The following ZNF431 variants were observed in gnomAD, a reference collection of about 807,000 sequenced individuals.
ZNF431 encodes the protein zinc finger protein 431.
A neutral mutation model predicts 57.0 loss-of-function variants in ZNF431; 34 were observed. That is an observed-to-expected ratio of 0.60 (90% CI 0.45 to 0.79). The LOEUF is 0.79. Ranked by LOEUF, ZNF431 falls within the 30% of genes least tolerant of loss-of-function variation. The probability of loss-of-function intolerance (pLI) is 0.00; values close to 1 mark genes in which losing one functional copy is unlikely to be tolerated. For missense variants in ZNF431, 607 were observed against 667.1 expected (o/e 0.91, Z 0.99); for synonymous variants, 207 against 220.3 (o/e 0.94, Z 0.54).
intron 4 of ZNF431, among the ~76,000 whole-genome samples, chr19:21,177,849 A>T (rs955572746): frequency 2.7e-5 from 4 of 148,014 alleles, no homozygotes; most frequent in African/African-American, 9.9e-5. Context: ...TGAGTTTTAA[A>T]TTTTTTTTTT....
Position 21,153,081 on chromosome 19 carries a change from T to G in ZNF431, c.96+9438T>G, listed in dbSNP as rs574965627. On this transcript the variant is annotated intron_variant, in intron 2 of 4. Transcript: ENST00000311048. ...GGGTGGAATATTTATGCCTCTCCTT[T>G]TTCAACTATTTTAAGATAACTTCCA... Among the ~76,000 whole-genome samples the G allele has an allele frequency of 3.9e-5, 6 of 152,340 alleles. No individual in the cohort carries two copies. In the South Asian group the frequency reaches 1.2e-3, roughly 32 times the overall value.
chr19:21,150,162 G>T, intron 2 of ZNF431: 2 of 596,630 alleles, frequency 3.4e-6, no homozygotes, highest in Non-Finnish European at 6.3e-6. Flanking sequence ...AGCTTAAGCA[G>T]CTGAGTAGCT....
chr19:21,174,681 G>T (rs1971000261), intron 4 of ZNF431, among the ~76,000 whole-genome samples: 1 of 152,122 alleles, frequency 6.6e-6, no homozygotes, highest in African/African-American at 2.4e-5. Flanking sequence ...CTTATAGACA[G>T]CAAATTGTAT....
chr19:21,185,199 A>T lies in ZNF431; in HGVS notation c.*1165A>T, dbSNP rs1971334719. ...TCAGATATACTAAATCAGAGTGCTA[A>T]GTATAGAAAATCTGAAACTAAAGTT... On this transcript the variant is annotated 3_prime_UTR_variant, in exon 5 of 5. Transcript: ENST00000311048. The T allele has an allele frequency of 6.6e-6, 1 of 152,246 alleles. No individual in the cohort carries two copies. Among genetic ancestry groups the T allele is most frequent in the African/African-American group, 2.4e-5 (1 of 41,474 alleles). 9.4% of individuals were successfully genotyped at this position (152,246 alleles called of 1,614,324 possible).
chr19:21,170,059 G>C (rs1035332018), intron 4 of ZNF431, among the ~76,000 whole-genome samples: 8 of 152,080 alleles, frequency 5.3e-5, no homozygotes, highest in Admixed American at 1.3e-4. Context: ...CAAAACCAAG[G>C]GTCCTGTAAT....
rs118085713 is a variant in ZNF431, at chr19:21,146,651, A to G, written c.96+3008A>G. Among the ~76,000 whole-genome samples the G allele has an allele frequency of 1.9e-3, 288 of 152,316 alleles. 9 individuals are homozygous for G. In the East Asian group the frequency reaches 0.049, roughly 26 times the overall value. Reference sequence around the variant, plus strand: ...TGGGAGTGTAGCAGTGAGGGCAATCAGAGGTCACTCTCGTCACATCTTGGT... The same window carrying G: ...TGGGAGTGTAGCAGTGAGGGCAATCGGAGGTCACTCTCGTCACATCTTGGT... On this transcript the variant is annotated intron_variant, in intron 2 of 4. Coordinates refer to ENST00000311048, the MANE Select transcript of ZNF431 (RefSeq NM_133473.4).
In ZNF431 at chr19:21,184,586, A is replaced by T. The variant is rs572092731; in HGVS notation, c.*552A>T. On this transcript the variant is annotated 3_prime_UTR_variant, in exon 5 of 5. Transcript: ENST00000311048. ...GATAAAGCCTTTAAATGGTTGTCAC[A>T]CTTCATTGTAGGTAAGATAATTCAT... 8.9e-4 allele frequency: 136 copies of T among 153,568 alleles called. No homozygotes were observed. The Middle Eastern group carries it at 0.01, about 12-fold the overall frequency. 9.5% of individuals were successfully genotyped at this position (153,568 alleles called of 1,614,324 possible).
chr19:21,156,850 C>A (rs1044586809), intron 2 of ZNF431, among the ~76,000 whole-genome samples: 4 of 152,144 alleles, frequency 2.6e-5, no homozygotes, highest in African/African-American at 4.8e-5. Flanking sequence ...TCTTGACTCA[C>A]TTCAGCCTCA....
intron 1 of ZNF431, among the ~76,000 whole-genome samples, chr19:21,142,933 C>T (rs868520381): frequency 1.8e-4 from 28 of 152,054 alleles, no homozygotes; most frequent in South Asian, 4.1e-4. Flanking sequence ...ACTAAAGACA[C>T]CTCCGTCTAA....
intron 2 of ZNF431, among the ~76,000 whole-genome samples, chr19:21,155,882 C>G (rs1213550244): frequency 1.3e-5 from 2 of 152,166 alleles, no homozygotes; most frequent in African/African-American, 4.8e-5. Context: ...GGAGGCTCTT[C>G]TCTCCTGCAC....
intron 4 of ZNF431, among the ~76,000 whole-genome samples, chr19:21,168,998 G>T (rs1045034744): frequency 2.0e-5 from 3 of 151,992 alleles, no homozygotes; most frequent in Admixed American, 2.0e-4. Context: ...TGCAACCTCT[G>T]CATCCTAGGT....
Position 21,154,379 on chromosome 19 carries a change from A to G in ZNF431, c.96+10736A>G, listed in dbSNP as rs535760956. On this transcript the variant is annotated intron_variant, in intron 2 of 4. Coordinates refer to ENST00000311048, the MANE Select transcript of ZNF431 (RefSeq NM_133473.4). ...ATTTTTTATGGCTGCATAGTATTCCATGGTGTATATGTGCCACATTTTCTT... is the reference window on the plus strand; with the variant it reads ...ATTTTTTATGGCTGCATAGTATTCCGTGGTGTATATGTGCCACATTTTCTT... 3.9e-5 allele frequency among the ~76,000 whole-genome samples: 6 copies of G among 152,266 alleles called. No homozygotes were observed. In the South Asian group the frequency reaches 1.2e-3, roughly 32 times the overall value.
rs551732582 is a variant in ZNF431 at position 21,167,441 on chromosome 19, G to A, written c.224-130G>A. On this transcript the variant is annotated intron_variant, in intron 3 of 4. Coordinates refer to ENST00000311048, the MANE Select transcript of ZNF431 (RefSeq NM_133473.4). ...CCCAAAGTGCTGAGATAACAGGTGTGAGCAACTGCGCCCAGCCTTTGGATT... is the reference window on the plus strand; with the variant it reads ...CCCAAAGTGCTGAGATAACAGGTGTAAGCAACTGCGCCCAGCCTTTGGATT... 5.2e-4 allele frequency: 287 copies of A among 550,734 alleles called. 4 individuals are homozygous for A. In the South Asian group the frequency reaches 0.013, roughly 25 times the overall value. 34.1% of individuals were successfully genotyped at this position (550,734 alleles called of 1,614,324 possible). A position where few individuals can be genotyped will look rare whatever the true frequency, so the allele number is the denominator to read the frequency against.
rs1480638439 is a variant in ZNF431 at position 21,190,008 on chromosome 19, A to C, written c.*5974A>C. 1 of 391,444 alleles carries C rather than the reference A, an allele frequency of 2.6e-6. No individual in the cohort carries two copies. The highest frequency in any genetic ancestry group is 4.5e-6 in the Non-Finnish European group (1 of 222,024). 24.2% of individuals were successfully genotyped at this position (391,444 alleles called of 1,614,324 possible). ...AAAATACAAAAACAACAAAACAAAAACAAAAAACACCTCAGCTGGGTGTGG... is the reference window on the plus strand; with the variant it reads ...AAAATACAAAAACAACAAAACAAAACCAAAAAACACCTCAGCTGGGTGTGG... On this transcript the variant is annotated 3_prime_UTR_variant, in exon 5 of 5. Transcript: ENST00000311048.
At chr19:21,143,866 A>C (rs1478265431) in intron 2 of ZNF431, among the ~76,000 whole-genome samples, 1 of 152,142 alleles carries the variant, frequency 6.6e-6, no homozygotes, top group Non-Finnish European at 1.5e-5. Context: ...ATAGTATCCC[A>C]AAAGACCAGA....
At chr19:21,152,632 A>G (rs1970304457) in intron 2 of ZNF431, among the ~76,000 whole-genome samples, 1 of 152,150 alleles carries the variant, frequency 6.6e-6, no homozygotes, top group South Asian at 2.1e-4. Flanking sequence ...CCTCAAATCC[A>G]AGTTCAGTCA....
At position 21,190,317 on chromosome 19, in the gene ZNF431, GCAAATGTTTCTTT is replaced by G. The variant is rs2145076696; in HGVS notation, c.*6284_*6296del. 1 of 154,990 alleles carries G rather than the reference GCAAATGTTTCTTT, an allele frequency of 6.5e-6. No individual in the cohort carries two copies. Among genetic ancestry groups the G allele is most frequent in the South Asian group, 2.1e-4 (1 of 4,854 alleles). 9.6% of individuals were successfully genotyped at this position (154,990 alleles called of 1,614,324 possible). ...TGAAACAAGTGCTGCAAACAGAAGT[GCAAATGTTTCTTT>G]ATTCTTATTTTGTTTTGGATATATA... On this transcript the variant is annotated 3_prime_UTR_variant, in exon 5 of 5. Transcript: ENST00000311048.
rs1971462982 is a variant in ZNF431 at position 21,189,572 on chromosome 19, T to C, written c.*5538T>C. ...TTTCAAAAATCCAAATACATTATTA[T>C]GAACTATAGTCACCATGTTGTGCAA... On this transcript the variant is annotated 3_prime_UTR_variant, in exon 5 of 5. Coordinates refer to ENST00000311048, the MANE Select transcript of ZNF431 (RefSeq NM_133473.4). 1 of 240,706 alleles carries C rather than the reference T, an allele frequency of 4.2e-6. No individual in the cohort carries two copies. Among genetic ancestry groups the C allele is most frequent in the African/African-American group, 2.2e-5 (1 of 44,668 alleles). 14.9% of individuals were successfully genotyped at this position (240,706 alleles called of 1,614,324 possible).
Position 21,185,495 on chromosome 19 carries a change from CT to C in ZNF431, c.*1464del, listed in dbSNP as rs1214027905. The C allele has an allele frequency of 6.6e-6, 1 of 152,240 alleles. No individual in the cohort carries two copies. Among genetic ancestry groups the C allele is most frequent in the African/African-American group, 2.4e-5 (1 of 41,446 alleles). The allele number at this position is 152,240 out of a possible 1,614,324, so 9.4% of individuals were successfully genotyped here. On this transcript the variant is annotated 3_prime_UTR_variant, in exon 5 of 5. Transcript: ENST00000311048. ...TTGTTTTTTGAGACTGAGTTTCACT[CT>C]TTCGCCCAGGCTGGAGTGCATTGGC...
Sources: allele counts gnomAD v4.1 joint callset (sites outside exome capture counted in the v4.1 genomes callset), GRCh38; gene constraint gnomAD v4.1.1; transcripts MANE v1.5; gene names NCBI Gene and HGNC (gene_info 2026-07-23, HGNC 2026-07-21).